The following RGSL1 variants were observed in gnomAD, a reference collection of about 807,000 sequenced individuals.
The protein encoded by RGSL1 is regulator of G protein signaling like 1.
Under a neutral mutation model 124.7 loss-of-function variants are expected in RGSL1, and 97 were observed. That is an observed-to-expected ratio of 0.78 (90% CI 0.66 to 0.92). The LOEUF (loss-of-function observed/expected upper bound fraction) is 0.92. Ranked by LOEUF, RGSL1 falls within the 40% of genes least tolerant of loss-of-function variation. The probability of loss-of-function intolerance (pLI) is 0.00; values close to 1 mark genes in which losing one functional copy is unlikely to be tolerated. For synonymous variants in RGSL1, 424 were observed against 438.1 expected, an observed-to-expected ratio of 0.97 and a Z score of 0.40; for missense variants, 1,233 against 1,288.4, an observed-to-expected ratio of 0.96 and a Z score of 0.66.
upstream of RGSL1, chr1:182,450,077 T>TC (rs1651690726): frequency 2.7e-6 from 4 of 1,464,076 alleles, no homozygotes; most frequent in Admixed American, 7.9e-5. Flanking sequence ...AGAGAAGGTG[T>TC]CATTACGTGT....
chr1:182,490,294 C>T (rs1487045157), intron 8 of RGSL1, among the ~76,000 whole-genome samples: 3 of 152,170 alleles, frequency 2.0e-5, no homozygotes, highest in Non-Finnish European at 2.9e-5. Flanking sequence ...TCTCTCTGAA[C>T]CTAATTTCTT....
chr1:182,506,778 G>C (rs1004764722), intron 9 of RGSL1, among the ~76,000 whole-genome samples: 1 of 151,998 alleles, frequency 6.6e-6, no homozygotes, highest in African/African-American at 2.4e-5. Flanking sequence ...TGCTGTAATA[G>C]ATGTACATAG....
At chr1:182,475,323 G>GCTA (rs1299500947) in intron 6 of RGSL1, among the ~76,000 whole-genome samples, 7 of 152,202 alleles carry the variant, frequency 4.6e-5, no homozygotes, top group African/African-American at 1.7e-4. Flanking sequence ...CTCACAGGAA[G>GCTA]TGATGCCCAT....
intron 9 of RGSL1, among the ~76,000 whole-genome samples, chr1:182,512,709 G>T (rs1657550837): frequency 6.6e-6 from 1 of 152,204 alleles, no homozygotes; most frequent in African/African-American, 2.4e-5. Context: ...CAAGAATCAG[G>T]TCACAAACAG....
chr1:182,520,041 G>A (rs1658216259), intron 9 of RGSL1, among the ~76,000 whole-genome samples: 1 of 151,828 alleles, frequency 6.6e-6, no homozygotes, highest in African/African-American at 2.4e-5. Flanking sequence ...TCCCCCCTTG[G>A]TTTTTGGTGA....
Position 182,539,546 on chromosome 1 carries a change from T to C in RGSL1, c.2495-701T>C, listed in dbSNP as rs1293537390. ...AATAAAGGATTTGCAGGCAGAATGGTAAATTCTAGAGCCAGATTAGACATT... is the reference window on the plus strand; with the variant it reads ...AATAAAGGATTTGCAGGCAGAATGGCAAATTCTAGAGCCAGATTAGACATT... On this transcript the variant is annotated intron_variant, in intron 14 of 21. Transcript: ENST00000294854. Among the ~76,000 whole-genome samples, 4 of 150,096 alleles carry C rather than the reference T, an allele frequency of 2.7e-5. No homozygotes were observed. The Admixed American group carries it at 2.7e-4, about 10-fold the overall frequency.
At chr1:182,552,167 G>C (rs1031073523) in intron 18 of RGSL1, among the ~76,000 whole-genome samples, 16 of 151,614 alleles carry the variant, frequency 1.1e-4, no homozygotes, top group Admixed American at 9.9e-4. Flanking sequence ...AGGCTGGAGT[G>C]CAGGGGCGCA....
intron 6 of RGSL1, among the ~76,000 whole-genome samples, chr1:182,479,914 T>A (rs1296821472): frequency 1.3e-5 from 2 of 152,120 alleles, no homozygotes; most frequent in African/African-American, 4.8e-5. Flanking sequence ...GATAAAAGGG[T>A]CAATTTAATA....
intron 6 of RGSL1, among the ~76,000 whole-genome samples, chr1:182,475,072 T>C (rs996032825): frequency 6.6e-6 from 1 of 152,146 alleles, no homozygotes; most frequent in African/African-American, 2.4e-5. Flanking sequence ...AATTCTAAAG[T>C]ACAATGGAGG....
chr1:182,503,570 C>T lies in RGSL1; in HGVS notation c.1825+10441C>T, dbSNP rs201757561. 9.4e-5 allele frequency among the ~76,000 whole-genome samples: 7 copies of T among 74,394 alleles called. No homozygotes were observed. In the East Asian group the frequency reaches 2.1e-3, roughly 22 times the overall value. The allele number at this position is 74,394 out of a possible 152,430, so 48.8% of individuals were successfully genotyped here. Reference sequence around the variant, plus strand: ...AAGAGAGTAGAAGGATGGTTACCAGCGGCTAGGAAGGGTAATTGTGGGGTG... The same window carrying T: ...AAGAGAGTAGAAGGATGGTTACCAGTGGCTAGGAAGGGTAATTGTGGGGTG... On this transcript the variant is annotated intron_variant, in intron 9 of 21. Coordinates refer to ENST00000294854, the MANE Select transcript of RGSL1 (RefSeq NM_001137669.2).
At position 182,548,784 on chromosome 1, in the gene RGSL1, A is replaced by C; in HGVS notation, c.2893A>C (p.Ile965Leu). 1 of 1,551,666 alleles carries C rather than the reference A, an allele frequency of 6.4e-7. No homozygotes were observed. Among genetic ancestry groups the C allele is most frequent in the African/African-American group, 1.4e-5 (1 of 73,156 alleles). The change falls in exon 17 of 22, where the codon ATC becomes CTC. Residue 965 changes from isoleucine (I) to leucine (L), a missense_variant. By Grantham distance (5) the Ile-to-Leu change is conservative. Coordinates refer to ENST00000294854, the MANE Select transcript of RGSL1 (RefSeq NM_001137669.2). ...YLDRSVFHGA[I>L]MSVFPVVMYF... Reference sequence around the variant, plus strand: ...AGATCGGAGCGTCTTCCATGGGGCTATCATGTCTGTCTTCCCCGTTGTTAT... The same window carrying C: ...AGATCGGAGCGTCTTCCATGGGGCTCTCATGTCTGTCTTCCCCGTTGTTAT...
At chr1:182,471,276 T>G (rs988562441) in intron 4 of RGSL1, 5 of 457,402 alleles carry the variant, frequency 1.1e-5, no homozygotes, top group African/African-American at 8.0e-5. Context: ...GGAATTTTCC[T>G]GGCAGCCAAG....
chr1:182,558,260 GGGGAGGAAAA>G (rs1660976031), intron 21 of RGSL1, among the ~76,000 whole-genome samples: 1 of 152,008 alleles, frequency 6.6e-6, no homozygotes, highest in South Asian at 2.1e-4. Context: ...AAATATGGGA[GGGGAGGAAAA>G]GGCGTCCCAA....
At chr1:182,466,964 C>T (rs540052889) in intron 4 of RGSL1, among the ~76,000 whole-genome samples, 1 of 152,298 alleles carries the variant, frequency 6.6e-6, no homozygotes, top group East Asian at 1.9e-4. Flanking sequence ...CATTCTTATA[C>T]ACCAATAACA....
At chr1:182,534,531 A>C (rs930511817) in intron 14 of RGSL1, among the ~76,000 whole-genome samples, 2 of 152,196 alleles carry the variant, frequency 1.3e-5, no homozygotes, top group Non-Finnish European at 2.9e-5. Flanking sequence ...TTTGGCTTCA[A>C]TAATAGTTCT....
intron 15 of RGSL1, among the ~76,000 whole-genome samples, chr1:182,542,690 C>A (rs1243549634): frequency 6.6e-6 from 1 of 152,084 alleles, no homozygotes; most frequent in Non-Finnish European, 1.5e-5. Context: ...GTTTTCCAAT[C>A]CATGAGCATG....
chr1:182,465,302 A>C (rs979582447), intron 4 of RGSL1, among the ~76,000 whole-genome samples: 2 of 152,138 alleles, frequency 1.3e-5, no homozygotes, highest in African/African-American at 4.8e-5. Flanking sequence ...GGATGAGTTC[A>C]TGTATTTGTA....
intron 14 of RGSL1, among the ~76,000 whole-genome samples, chr1:182,534,317 C>A (rs1200388237): frequency 6.6e-6 from 1 of 152,144 alleles, no homozygotes; most frequent in African/African-American, 2.4e-5. Context: ...AACTGCCAAC[C>A]TGGTAAATGA....
At chr1:182,520,392 A>T (rs1047049769) in intron 9 of RGSL1, among the ~76,000 whole-genome samples, 2 of 152,278 alleles carry the variant, frequency 1.3e-5, no homozygotes, top group Non-Finnish European at 2.9e-5. Flanking sequence ...CCCCAGTAGC[A>T]ATTTGTTTAC....
Sources: allele counts gnomAD v4.1 joint callset (sites outside exome capture counted in the v4.1 genomes callset), GRCh38; gene constraint gnomAD v4.1.1; transcripts MANE v1.5; gene names NCBI Gene and HGNC (gene_info 2026-07-23, HGNC 2026-07-21).